Variants in IFITM10 observed in about 807,000 individuals in gnomAD.
IFITM10 encodes interferon induced transmembrane protein 10.
IFITM10 carries 17 observed loss-of-function variants against 19.0 expected under a neutral mutation model. The observed-to-expected ratio is 0.90, with a 90% CI of 0.61 to 1.34. The LOEUF (loss-of-function observed/expected upper bound fraction) is 1.34. Among genes scored for constraint, IFITM10 ranks in the 40% most tolerant of loss-of-function variants. IFITM10 has a pLI of 0.00. For missense variants in IFITM10, 306 were observed against 319.8 expected (o/e 0.96, Z 0.33); for synonymous variants, 148 against 147.2 (o/e 1.01, Z -0.04).
At chr11:1,750,291 TTCCC>T in intron 1 of IFITM10, 64 bp downstream of exon 1, 6 of 1,549,024 alleles carry the variant, frequency 3.9e-6, no homozygotes, top group Non-Finnish European at 3.5e-6. Flanking sequence ...AACTCCAGCC[TTCCC>T]TCCCTCCCTC....
chr11:1,735,533 C>A lies in IFITM10; in HGVS notation c.538-104G>T, dbSNP rs988657112. The A allele has an allele frequency of 4.9e-6, 5 of 1,018,472 alleles. No homozygotes were observed. The African/African-American group carries it at 6.6e-5, about 13-fold the overall frequency. 63.1% of individuals were successfully genotyped at this position (1,018,472 alleles called of 1,614,324 possible). A position where few individuals can be genotyped will look rare whatever the true frequency, so the allele number is the denominator to read the frequency against. On this transcript the variant is annotated intron_variant, in intron 2 of 2. Coordinates refer to ENST00000340134, the MANE Select transcript of IFITM10 (RefSeq NM_001170820.4). ...CGGTGCCACAGTGCTCAGCACAGTA[C>A]CAGTGCTTTGTTTCCGAGAGCTGAC...
intron 2 of IFITM10, among the ~76,000 whole-genome samples, chr11:1,737,983 G>A (rs997571188): frequency 6.6e-6 from 1 of 152,116 alleles, no homozygotes; most frequent in Non-Finnish European, 1.5e-5. Context: ...TGAGGCAGCT[G>A]GGGTATTGGG....
At chr11:1,736,886 G>A (rs1851093005) in intron 2 of IFITM10, among the ~76,000 whole-genome samples, 1 of 151,938 alleles carries the variant, frequency 6.6e-6, no homozygotes, top group South Asian at 2.1e-4. Context: ...GGGAAGGGAA[G>A]GGAGGGAACA....
intron 1 of IFITM10, chr11:1,749,106 TC>T: frequency 9.0e-7 from 1 of 1,109,230 alleles, no homozygotes; most frequent in Non-Finnish European, 1.1e-6. Context: ...TGTCCACTGA[TC>T]CGCCTCCCAG....
chr11:1,740,082 A>G (rs541637375), intron 2 of IFITM10, among the ~76,000 whole-genome samples: 16 of 152,236 alleles, frequency 1.1e-4, no homozygotes, highest in African/African-American at 3.9e-4. Context: ...CAGGCAGATC[A>G]TGAGGTCAGA....
intron 2 of IFITM10, chr11:1,745,985 C>A (rs1026646526): frequency 6.6e-6 from 1 of 151,892 alleles, no homozygotes; most frequent in Non-Finnish European, 1.5e-5. Flanking sequence ...TGATTACACA[C>A]ACGTGCACAC....
intron 1 of IFITM10, chr11:1,748,397 CG>C (rs1218447308): frequency 3.9e-5 from 15 of 385,774 alleles, no homozygotes; most frequent in African/African-American, 2.5e-4. Context: ...CAGCACCCCC[CG>C]CCCCGAAGCA....
chr11:1,746,728 C>T (rs902774987), intron 2 of IFITM10: 1 of 398,972 alleles, frequency 2.5e-6, no homozygotes. Context: ...CCTGCATCCC[C>T]TGTCTTCTCC....
chr11:1,748,274 G>T (rs1845675998), intron 1 of IFITM10, 155 bp from the exon 2 acceptor site: 1 of 522,010 alleles, frequency 1.9e-6, no homozygotes, highest in East Asian at 3.5e-5. Flanking sequence ...ACCCGCCCCG[G>T]GCCTCGGCGG....
At chr11:1,741,544 A>C (rs149719071) in intron 2 of IFITM10, among the ~76,000 whole-genome samples, 1 of 152,190 alleles carries the variant, frequency 6.6e-6, no homozygotes, top group African/African-American at 2.4e-5. Context: ...CTGATGATGA[A>C]TTGAGGGCTA....
chr11:1,741,272 C>T (rs1483071165), intron 2 of IFITM10, among the ~76,000 whole-genome samples: 1 of 151,716 alleles, frequency 6.6e-6, no homozygotes, highest in Non-Finnish European at 1.5e-5. Context: ...GAGTCAAAAG[C>T]AATTAGGAAA....
chr11:1,747,845 C>G lies in IFITM10; in HGVS notation c.359G>C (p.Gly120Ala), dbSNP rs949995340. 2.8e-5 allele frequency: 43 copies of G among 1,544,326 alleles called. No individual in the cohort carries two copies. Among genetic ancestry groups the G allele is most frequent in the Non-Finnish European group, 3.6e-5 (41 of 1,142,766 alleles). ...TAGGTGCTTGCAGGCAGGGGGCGCG[C>G]CGGCAGCCCGCACGCTGTCGGTCTT... ...SSKTDSVRAA[G>A]APPACKHLAE... Residue 120 changes from glycine (G) to alanine (A), a missense_variant, in exon 2 of 3, where the codon GGC becomes GCC. Transcript: ENST00000340134.
chr11:1,744,081 C>T (rs992018932), intron 2 of IFITM10, among the ~76,000 whole-genome samples: 4 of 152,204 alleles, frequency 2.6e-5, no homozygotes, highest in Admixed American at 1.3e-4. Context: ...GCTTCAAGGC[C>T]CAGTGAAATT....
In IFITM10 at chr11:1,733,353, G is replaced by A. The variant is rs942271937; in HGVS notation, c.*1927C>T. Reference sequence around the variant, plus strand: ...TGGTCCCCACCCTGTCCCCTCTCTCGACTCTGACCCCCAAGCCCTCCCATT... The same window carrying A: ...TGGTCCCCACCCTGTCCCCTCTCTCAACTCTGACCCCCAAGCCCTCCCATT... On this transcript the variant is annotated 3_prime_UTR_variant, in exon 3 of 3. Transcript: ENST00000340134. This position sits in a 1 kb window ranked among gnomAD's most constrained non-coding sequence, Gnocchi z 6.3. The A allele has an allele frequency of 4.6e-5, 7 of 151,594 alleles. No individual in the cohort carries two copies. Among genetic ancestry groups the A allele is most frequent in the African/African-American group, 9.7e-5 (4 of 41,090 alleles). 9.4% of individuals were successfully genotyped at this position (151,594 alleles called of 1,614,324 possible).
intron 1 of IFITM10, among the ~76,000 whole-genome samples, chr11:1,749,873 G>C (rs747837222): frequency 6.6e-6 from 1 of 151,976 alleles, no homozygotes; most frequent in Non-Finnish European, 1.5e-5. Context: ...CCCTTTCCTG[G>C]AGTCTGACTT....
intron 1 of IFITM10, 119 bp downstream of exon 1, chr11:1,750,240 C>T: frequency 6.6e-7 from 1 of 1,516,408 alleles, no homozygotes; most frequent in Non-Finnish European, 8.9e-7. Flanking sequence ...GCTGATCTTC[C>T]ATCCCCATAA....
rs1400814615 is a variant in IFITM10 at position 1,735,071 on chromosome 11, G to A, written c.*209C>T. 5 of 568,626 alleles carry A rather than the reference G, an allele frequency of 8.8e-6. No individual in the cohort carries two copies. The highest frequency in any genetic ancestry group is 1.5e-5 in the Non-Finnish European group (5 of 323,496). The allele number at this position is 568,626 out of a possible 1,614,324, so 35.2% of individuals were successfully genotyped here. A position where few individuals can be genotyped will look rare whatever the true frequency, so the allele number is the denominator to read the frequency against. On this transcript the variant is annotated 3_prime_UTR_variant, in exon 3 of 3. Transcript: ENST00000340134. The stretch of plus-strand genomic sequence containing the variant: ...CAGACACAGGCAGGGTGGAGGCCAG[G>A]AGGCGGAGGGGGTGGACTGAGGGCC...
In IFITM10 at chr11:1,734,898, C is replaced by A. The variant is rs1434612375; in HGVS notation, c.*382G>T. 8.8e-6 allele frequency: 2 copies of A among 228,092 alleles called. No individual in the cohort carries two copies. Among genetic ancestry groups the A allele is most frequent in the Non-Finnish European group, 8.6e-6 (1 of 116,474 alleles). 14.1% of individuals were successfully genotyped at this position (228,092 alleles called of 1,614,324 possible). On this transcript the variant is annotated 3_prime_UTR_variant, in exon 3 of 3. Transcript: ENST00000340134. ...CAGGGTCGGGGAGCACAGAGTGAGT[C>A]CTCCCAACCTGGGACAATTTTGCAT...
In IFITM10 at chr11:1,750,572, G is replaced by T; in HGVS notation, c.-130C>A. 1 of 1,196,382 alleles carries T rather than the reference G, an allele frequency of 8.4e-7. No individual in the cohort carries two copies. Among genetic ancestry groups the T allele is most frequent in the Non-Finnish European group, 1.2e-6 (1 of 851,288 alleles). The allele number at this position is 1,196,382 out of a possible 1,614,324, so 74.1% of individuals were successfully genotyped here. On this transcript the variant is annotated 5_prime_UTR_variant, in exon 1 of 3. Coordinates refer to ENST00000340134, the MANE Select transcript of IFITM10 (RefSeq NM_001170820.4). ...TGCTTGGGGTCCTGTCTGCCTGCCT[G>T]TGCCTGACTCTGAACCCTTTCTCTC...
Sources: gnomAD v4.1 joint callset for allele counts (sites outside exome capture counted in the v4.1 genomes callset) on GRCh38, gnomAD v4.1.1 for gene constraint, Gnocchi (gnomAD v3.1) non-coding constraint, MANE v1.5 for transcripts, NCBI Gene and HGNC (gene_info 2026-07-23, HGNC 2026-07-21) for gene names.